EPS15L1: variants seen among roughly 807,000 people sequenced by gnomAD.
EPS15L1 encodes the protein epidermal growth factor receptor pathway substrate 15 like 1.
Under a neutral mutation model 117.1 loss-of-function variants are expected in EPS15L1, and 43 were observed. That is an observed-to-expected ratio of 0.37 (90% CI 0.29 to 0.47). The LOEUF is 0.47. Ranked by LOEUF, EPS15L1 falls within the 20% of genes least tolerant of loss-of-function variation. The pLI is 0.99. For missense variants in EPS15L1, 981 were observed against 1,164.0 expected, an observed-to-expected ratio of 0.84 and a Z score of 2.29; for synonymous variants, 459 against 470.5, an observed-to-expected ratio of 0.98 and a Z score of 0.32.
intron 1 of EPS15L1, among the ~76,000 whole-genome samples, chr19:16,464,316 T>C (rs1382922504): frequency 6.6e-6 from 1 of 152,186 alleles, no homozygotes; most frequent in East Asian, 1.9e-4. Flanking sequence ...CTGCACTCCA[T>C]GCAGGAGCAA....
intron 7 of EPS15L1, among the ~76,000 whole-genome samples, chr19:16,433,887 G>A (rs940530451): frequency 5.3e-5 from 8 of 151,974 alleles, no homozygotes; most frequent in African/African-American, 1.2e-4. Flanking sequence ...TGCTTGAACC[G>A]GGGAGGCAGA....
rs569588432 is a variant in EPS15L1 at position 16,382,089 on chromosome 19, A to G, written c.2247+3040T>C. On this transcript the variant is annotated intron_variant, in intron 21 of 23. Coordinates refer to ENST00000455140, the MANE Select transcript of EPS15L1 (RefSeq NM_001258374.3). ...TGACACACTCAAATCAGAGCCGCCT[A>G]ACCCTCCAGGCTGACCGGGGACACC... Among the ~76,000 whole-genome samples the G allele has an allele frequency of 3.6e-4, 55 of 152,322 alleles. No individual in the cohort carries two copies. The South Asian group carries it at 3.9e-3, about 11-fold the overall frequency.
In EPS15L1 at chr19:16,355,732, G is replaced by A. The variant is rs1483255204; in HGVS notation, c.2706C>T (p.Leu902=). 1 of 1,535,960 alleles carries A rather than the reference G, an allele frequency of 6.5e-7. No homozygotes were observed. ...EQEDLELAIA[L]SKADMPAA ...AGGCGGCAGGCATGTCAGCCTTGCT[G>A]AGCGCGATGGCCAGTTCCAGGTCCT... is the stretch of plus-strand genomic sequence containing the variant. The change falls in exon 24 of 24, where the codon CTC becomes CTT. Residue 902 remains leucine, a synonymous_variant. Transcript: ENST00000455140.
intron 1 of EPS15L1, among the ~76,000 whole-genome samples, chr19:16,463,606 T>C (rs1321205247): frequency 1.3e-5 from 2 of 152,136 alleles, no homozygotes; most frequent in Admixed American, 6.5e-5. Context: ...CAACAGATGA[T>C]TGTTGAGCAC....
intron 17 of EPS15L1, 29 bp downstream of exon 17, chr19:16,395,315 A>G (rs2092528621): frequency 6.2e-7 from 1 of 1,605,772 alleles, no homozygotes; most frequent in Non-Finnish European, 8.5e-7. Flanking sequence ...ACAGTCTTTC[A>G]ATGAGAAAGT....
In EPS15L1 at chr19:16,455,806, C is replaced by T. The variant is rs1189735260; in HGVS notation, c.34-13587G>A. Reference sequence around the variant, plus strand: ...GATTCCTGGTATCCTCCTCATCGCCCTCCTTCCACTGGCTCCAGGTAAAAA... The same window carrying T: ...GATTCCTGGTATCCTCCTCATCGCCTTCCTTCCACTGGCTCCAGGTAAAAA... On this transcript the variant is annotated intron_variant, in intron 1 of 23. Transcript: ENST00000455140. 2.0e-5 allele frequency among the ~76,000 whole-genome samples: 3 copies of T among 152,182 alleles called. No individual in the cohort carries two copies. In the East Asian group the frequency reaches 5.8e-4, roughly 29 times the overall value.
At chr19:16,457,764 G>A (rs772258291) in intron 1 of EPS15L1, among the ~76,000 whole-genome samples, 11 of 151,904 alleles carry the variant, frequency 7.2e-5, no homozygotes, top group Non-Finnish European at 1.2e-4. Flanking sequence ...CACCCCTCCC[G>A]GGCATCTCAG....
At chr19:16,375,178 G>A (rs1435507735) in intron 22 of EPS15L1, among the ~76,000 whole-genome samples, 7 of 152,248 alleles carry the variant, frequency 4.6e-5, no homozygotes, top group African/African-American at 9.6e-5. Context: ...GCATGGGAGA[G>A]TGCGTGTGTG....
intron 1 of EPS15L1, among the ~76,000 whole-genome samples, chr19:16,467,823 G>A (rs1357323636): frequency 7.2e-5 from 11 of 152,164 alleles, no homozygotes; most frequent in East Asian, 5.8e-4. Context: ...AGGGCTCTGC[G>A]GCAGGAGGAC....
intron 4 of EPS15L1, among the ~76,000 whole-genome samples, chr19:16,439,315 GA>G (rs1045593408): frequency 2.2e-4 from 33 of 152,188 alleles, no homozygotes; most frequent in African/African-American, 7.5e-4. Context: ...AAGAAAAAAA[GA>G]AAAAGGAATT....
At chr19:16,465,437 G>A (rs886653751) in intron 1 of EPS15L1, among the ~76,000 whole-genome samples, 3 of 152,024 alleles carry the variant, frequency 2.0e-5, no homozygotes, top group East Asian at 1.9e-4. Flanking sequence ...TAATCTCAGC[G>A]CTTTGGAGGC....
rs566444400 is a variant in EPS15L1 at position 16,359,092 on chromosome 19, G to A, written c.2586+2687C>T. Among the ~76,000 whole-genome samples, 3 of 152,298 alleles carry A rather than the reference G, an allele frequency of 2.0e-5. No homozygotes were observed. The East Asian group carries it at 5.8e-4, about 29-fold the overall frequency. The stretch of plus-strand genomic sequence containing the variant: ...CACCACCTCCACAAGTGAGGTGCGG[G>A]TGACCTGGGCCCCCCTGACTGCCAG... On this transcript the variant is annotated intron_variant, in intron 23 of 23. Transcript: ENST00000455140.
chr19:16,360,516 AG>A (rs2144625040), intron 23 of EPS15L1, among the ~76,000 whole-genome samples: 1 of 152,078 alleles, frequency 6.6e-6, no homozygotes, highest in South Asian at 2.1e-4. Flanking sequence ...TCAAGGTGGG[AG>A]GATCGCTTGA....
chr19:16,418,185 C>CA lies in EPS15L1; in HGVS notation c.951-82dup. ...CCCAAGTCACCGATCCCTTGCTTTT[C>CA]AAAAACGACAGCGACGAAAACAACG... is the stretch of plus-strand genomic sequence containing the variant. On this transcript the variant is annotated intron_variant, in intron 10 of 23. Coordinates refer to ENST00000455140, the MANE Select transcript of EPS15L1 (RefSeq NM_001258374.3). 7 of 1,448,676 alleles carry CA rather than the reference C, an allele frequency of 4.8e-6. No individual in the cohort carries two copies. The South Asian group carries it at 9.2e-5, about 19-fold the overall frequency. The allele number at this position is 1,448,676 out of a possible 1,614,324, so 89.7% of individuals were successfully genotyped here.
intron 4 of EPS15L1, among the ~76,000 whole-genome samples, chr19:16,438,606 T>G (rs1188799817): frequency 3.3e-5 from 5 of 152,182 alleles, no homozygotes; most frequent in African/African-American, 1.2e-4. Context: ...CACAGCTCAC[T>G]GCAACCTCAA....
chr19:16,401,168 AAG>A, intron 16 of EPS15L1: 2 of 985,388 alleles, frequency 2.0e-6, no homozygotes, highest in Non-Finnish European at 2.4e-6. Flanking sequence ...TCCACGAGAA[AAG>A]AGAGTATGGG....
rs762399850 is a variant in EPS15L1, at chr19:16,425,173, G to C, written c.702C>G (p.Asp234Glu). 1.9e-6 allele frequency: 3 copies of C among 1,610,436 alleles called. No homozygotes were observed. Among genetic ancestry groups the C allele is most frequent in the Non-Finnish European group, 2.5e-6 (3 of 1,177,784 alleles). Residue 234 changes from aspartate (D) to glutamate (E), a missense_variant, in exon 9 of 24, where the codon GAC becomes GAG. By Grantham distance (45) the Asp-to-Glu change is conservative. This residue lies in a region of EPS15L1 where 819 missense variants were observed against 949.0 expected (regional missense o/e 0.86). Coordinates refer to ENST00000455140, the MANE Select transcript of EPS15L1 (RefSeq NM_001258374.3). ...CGTGGGACGGCGTGGAGCGGAGGCTGTCTTTTGGTGGGGGGCTGGCAGGCA... is the reference window on the plus strand; with the variant it reads ...CGTGGGACGGCGTGGAGCGGAGGCTCTCTTTTGGTGGGGGGCTGGCAGGCA... ...PVLPASPPPK[D>E]SLRSTPSHGS...
intron 1 of EPS15L1, among the ~76,000 whole-genome samples, chr19:16,455,681 CT>C (rs1416934994): frequency 3.9e-5 from 6 of 152,318 alleles, no homozygotes; most frequent in African/African-American, 1.4e-4. Context: ...CTGTGCAACC[CT>C]GGGGCAGGAC....
intron 9 of EPS15L1, among the ~76,000 whole-genome samples, chr19:16,422,685 A>T (rs1212368156): frequency 1.3e-5 from 2 of 152,130 alleles, no homozygotes; most frequent in African/African-American, 4.8e-5. Context: ...GGCTGGGTGC[A>T]GTGGCTCACA....
Sources: allele counts gnomAD v4.1 joint callset (sites outside exome capture counted in the v4.1 genomes callset), GRCh38; gene constraint gnomAD v4.1.1; regional missense constraint gnomAD v4.1.1; transcripts MANE v1.5; gene names NCBI Gene and HGNC (gene_info 2026-07-23, HGNC 2026-07-21).